The following WDR90 variants were observed in gnomAD, a reference collection of about 807,000 sequenced individuals.
WDR90 encodes the protein WD repeat-containing protein 90.
WDR90 carries 238 observed loss-of-function variants against 195.2 expected under a neutral mutation model. That is an observed-to-expected ratio of 1.22 (90% CI 1.10 to 1.36). WDR90 has a LOEUF of 1.36. Among genes scored for constraint, WDR90 ranks in the 40% most tolerant of loss-of-function variants. The probability of loss-of-function intolerance (pLI) is 0.00; values close to 1 mark genes in which losing one functional copy is unlikely to be tolerated. For missense variants in WDR90, 2,734 were observed against 2,439.5 expected, an observed-to-expected ratio of 1.12 and a Z score of -2.54; for synonymous variants, 1,265 against 1,052.4, an observed-to-expected ratio of 1.20 and a Z score of -3.91.
In WDR90 at chr16:651,760, T is replaced by C. The variant is rs2037650918; in HGVS notation, c.840+13T>C. The C allele has an allele frequency of 6.2e-7, 1 of 1,612,838 alleles. No homozygotes were observed. Among genetic ancestry groups the C allele is most frequent in the Admixed American group, 1.7e-5 (1 of 59,996 alleles). On this transcript the variant is annotated intron_variant, in intron 8 of 40. Transcript: ENST00000293879. The stretch of plus-strand genomic sequence containing the variant: ...CAGCCCCACAGCCGTGAGTACCCCC[T>C]TCGCCCTATGAGATGGGGTTGGGGT...
rs2037728401 is a variant in WDR90 at position 655,334 on chromosome 16, G to A, written c.1584G>A (p.Val528=). ...TRMASCGQGS[V]RLWRLRGGVL... ...TGGCGTCGTGCGGGCAGGGCAGTGT[G>A]CGGCTCTGGCGGCTGCGTGGCGGGG... is the stretch of plus-strand genomic sequence containing the variant. The change falls in exon 15 of 41, where the codon GTG becomes GTA. Residue 528 remains valine, a synonymous_variant. Coordinates refer to ENST00000293879, the MANE Select transcript of WDR90 (RefSeq NM_145294.5). 6.2e-7 allele frequency: 1 copy of A among 1,603,608 alleles called. No homozygotes were observed. The highest frequency in any genetic ancestry group is 2.2e-5 in the East Asian group (1 of 44,836).
At position 661,992 on chromosome 16, in the gene WDR90, G is replaced by C. The variant is rs1407677252; in HGVS notation, c.3966G>C (p.Gln1322His). 3 of 1,605,252 alleles carry C rather than the reference G, an allele frequency of 1.9e-6. No homozygotes were observed. The highest frequency in any genetic ancestry group is 2.5e-6 in the Non-Finnish European group (3 of 1,179,920). Reference sequence around the variant, plus strand: ...TCTATTGTGGCACCAGCTCTGGCCAGGTCTGTGTCTGGGACACGCGTGCCG... The same window carrying C: ...TCTATTGTGGCACCAGCTCTGGCCACGTCTGTGTCTGGGACACGCGTGCCG... ...PLLYCGTSSG[Q>H]VCVWDTRAGR... Residue 1322 changes from glutamine to histidine, a missense_variant, in exon 32 of 41, where the codon CAG (glutamine) becomes CAC (histidine). By Grantham distance (24) the Gln-to-His change is conservative. Coordinates refer to ENST00000293879, the MANE Select transcript of WDR90 (RefSeq NM_145294.5).
intron 34 of WDR90, 191 bp from the exon 35 acceptor site, chr16:665,488 T>C: frequency 1.2e-6 from 1 of 847,340 alleles, no homozygotes. Flanking sequence ...TGGTTTGGAC[T>C]CACCCAGATC....
Position 651,197 on chromosome 16 carries a change from A to G in WDR90, c.669-2A>G, listed in dbSNP as rs752086776. ...ACACTGACTCTCCCTCTGCCTGCCAAGGTTTCCAAGTGAGAGCTTGAAAGT... is the reference window on the plus strand; with the variant it reads ...ACACTGACTCTCCCTCTGCCTGCCAGGGTTTCCAAGTGAGAGCTTGAAAGT... On this transcript the variant is annotated splice_acceptor_variant, in intron 6 of 40. Coordinates refer to ENST00000293879, the MANE Select transcript of WDR90 (RefSeq NM_145294.5). LOFTEE classifies it high-confidence loss of function. 9 of 1,613,042 alleles carry G rather than the reference A, an allele frequency of 5.6e-6. No individual in the cohort carries two copies. In the East Asian group the frequency reaches 1.8e-4, roughly 32 times the overall value.
Position 651,960 on chromosome 16 carries a change from T to C in WDR90, c.974T>C (p.Ile325Thr). The change falls in exon 9 of 41, where the codon ATC (isoleucine) becomes ACC (threonine). Residue 325 changes from isoleucine (I) to threonine (T), a missense_variant. Physicochemically the swap from Ile to Thr is moderately conservative, Grantham distance 89. Transcript: ENST00000293879. ...EPWAQLEASD[I>T]HTAAAGTHVL... is the part of the protein sequence containing the mutation. ...TGGGCCCAGCTGGAGGCCTCTGACATCCACACGGCTGCTGCCGGCACCCAC... is the reference window on the plus strand; with the variant it reads ...TGGGCCCAGCTGGAGGCCTCTGACACCCACACGGCTGCTGCCGGCACCCAC... 1 of 1,608,170 alleles carries C rather than the reference T, an allele frequency of 6.2e-7. No individual in the cohort carries two copies. Among genetic ancestry groups the C allele is most frequent in the Non-Finnish European group, 8.5e-7 (1 of 1,178,306 alleles).
In WDR90 at chr16:655,381, A is replaced by G. The variant is rs1018661883; in HGVS notation, c.1631A>G (p.Asp544Gly). The change falls in exon 15 of 41, where the codon GAC (aspartate) becomes GGC (glycine). Residue 544 changes from aspartate to glycine, a missense_variant. Transcript: ENST00000293879. The part of the protein sequence containing the change: ...RGGVLRSCPV[D>G]LGEHHALQFT... ...GGGGTGCTGCGTTCCTGCCCCGTGGACTTAGGGGAGCACCACGCGCTGCAG... is the reference window on the plus strand; with the variant it reads ...GGGGTGCTGCGTTCCTGCCCCGTGGGCTTAGGGGAGCACCACGCGCTGCAG... 1 of 1,599,746 alleles carries G rather than the reference A, an allele frequency of 6.3e-7. No individual in the cohort carries two copies. The highest frequency in any genetic ancestry group is 1.7e-4 in the Middle Eastern group (1 of 6,048).
At position 660,089 on chromosome 16, in the gene WDR90, A is replaced by C; in HGVS notation, c.3216A>C (p.Pro1072=). The C allele has an allele frequency of 6.5e-7, 1 of 1,547,976 alleles. No homozygotes were observed. The highest frequency in any genetic ancestry group is 8.7e-7 in the Non-Finnish European group (1 of 1,147,194). Residue 1072 remains proline (P), a synonymous_variant, in exon 27 of 41, where the codon CCA becomes CCC. Coordinates refer to ENST00000293879, the MANE Select transcript of WDR90 (RefSeq NM_145294.5). The stretch of plus-strand genomic sequence containing the variant: ...GGGACACCAGGAATTCGGGGGCCCC[A>C]CGCACCACCTACCTGGCTTCCTGCA... ...GARDTRNSGA[P]RTTYLASCKA... is the part of the protein sequence containing the mutation.
In WDR90 at chr16:661,150, T is replaced by A; in HGVS notation, c.3491T>A (p.Leu1164Gln). 6.4e-7 allele frequency: 1 copy of A among 1,555,860 alleles called. No individual in the cohort carries two copies. Among genetic ancestry groups the A allele is most frequent in the African/African-American group, 1.4e-5 (1 of 73,484 alleles). The change falls in exon 29 of 41, where the codon CTG becomes CAG. Residue 1164 changes from leucine (L) to glutamine (Q), a missense_variant. Transcript: ENST00000293879. ...GGCCACTCTGCGGAGATCTCCACGC[T>A]GGCCCTCAGCCACAGTGCCCAGGTG... ...WSGHSAEISTLALSHSAQVLA... is the reference protein window; with the variant it reads ...WSGHSAEISTQALSHSAQVLA...
chr16:657,106 T>C lies in WDR90; in HGVS notation c.2358T>C (p.Ala786=), dbSNP rs780311421. The change falls in exon 20 of 41, where the codon GCT becomes GCC. Residue 786 remains alanine (A), a synonymous_variant. Coordinates refer to ENST00000293879, the MANE Select transcript of WDR90 (RefSeq NM_145294.5). ...TGTGCTGCAGGTGCCACCGAGGAGC[T>C]GTCACCGGCCTGACCGCCACCCCTG... ...VLVEHTCHRG[A]VTGLTATPDG... 3 of 1,594,704 alleles carry C rather than the reference T, an allele frequency of 1.9e-6. No individual in the cohort carries two copies. In the South Asian group the frequency reaches 3.4e-5, roughly 18 times the overall value.
chr16:658,016 G>A, intron 21 of WDR90, 124 bp downstream of exon 21: 10 of 1,457,336 alleles, frequency 6.9e-6, no homozygotes, highest in Non-Finnish European at 9.1e-6. Context: ...CTGTCGCAGA[G>A]TACACATCAG....
rs774502955 is a variant in WDR90 at position 651,229 on chromosome 16, C to T, written c.699C>T (p.Ser233=). 1.2e-6 allele frequency: 2 copies of T among 1,613,030 alleles called. No homozygotes were observed. The highest frequency in any genetic ancestry group is 1.1e-5 in the South Asian group (1 of 91,074). Reference sequence around the variant, plus strand: ...CAAGTGAGAGCTTGAAAGTGCCTTCCAAGCCGATTGAGAAGAGCTGTTCCC... The same window carrying T: ...CAAGTGAGAGCTTGAAAGTGCCTTCTAAGCCGATTGAGAAGAGCTGTTCCC... ...RFPSESLKVP[S]KPIEKSCSPP... is the part of the protein sequence containing the mutation. Residue 233 remains serine, a synonymous_variant, in exon 7 of 41, where the codon TCC becomes TCT. Coordinates refer to ENST00000293879, the MANE Select transcript of WDR90 (RefSeq NM_145294.5).
chr16:661,203 C>T, intron 29 of WDR90, 31 bp downstream of exon 29: 4 of 1,522,976 alleles, frequency 2.6e-6, no homozygotes, highest in Non-Finnish European at 3.5e-6. Flanking sequence ...CCTCCTCTCC[C>T]AGGGCCACCG....
At chr16:662,884 A>G (rs775554903) in intron 34 of WDR90, 40 bp downstream of exon 34, 1 of 1,536,050 alleles carries the variant, frequency 6.5e-7, no homozygotes, top group Non-Finnish European at 8.7e-7. Context: ...GGGCAGCCGA[A>G]CCTGGTGCCC....
chr16:667,404 C>T (rs1188465158), intron 40 of WDR90, 28 bp from the exon 41 acceptor site: 6 of 1,574,382 alleles, frequency 3.8e-6, no homozygotes, highest in Non-Finnish European at 3.5e-6. Flanking sequence ...GGTCCTGGCC[C>T]TGGCCCACCT....
chr16:659,517 G>C, intron 26 of WDR90, 141 bp downstream of exon 26: 2 of 1,185,150 alleles, frequency 1.7e-6, no homozygotes, highest in Non-Finnish European at 2.4e-6. Context: ...CAGTGGGGTC[G>C]GGGTGGGGGC....
Position 652,409 on chromosome 16 carries a change from G to C in WDR90, c.1054-58G>C. The C allele has an allele frequency of 2.6e-6, 4 of 1,543,546 alleles. No individual in the cohort carries two copies. The South Asian group carries it at 3.7e-5, about 14-fold the overall frequency. On this transcript the variant is annotated intron_variant, in intron 9 of 40. Transcript: ENST00000293879. The stretch of plus-strand genomic sequence containing the variant: ...GGGTTGGCGGGGCTCGGAGTTGGTC[G>C]GGCATTCTGGGGACCTGGCTGAGCC...
chr16:661,953 G>A lies in WDR90; in HGVS notation c.3927G>A (p.Gly1309=). ...GAGAGCTGACCTCGCTCTGCTACGGGGCACCTCCCCTGCTCTATTGTGGCA... is the reference window on the plus strand; with the variant it reads ...GAGAGCTGACCTCGCTCTGCTACGGAGCACCTCCCCTGCTCTATTGTGGCA... ...GAGELTSLCY[G]APPLLYCGTS... is the part of the protein sequence containing the mutation. Residue 1309 remains glycine, a synonymous_variant, in exon 32 of 41, where the codon GGG becomes GGA. Transcript: ENST00000293879. 6.2e-7 allele frequency: 1 copy of A among 1,607,896 alleles called. No homozygotes were observed. Among genetic ancestry groups the A allele is most frequent in the African/African-American group, 1.3e-5 (1 of 75,022 alleles).
chr16:654,674 T>C, intron 13 of WDR90: 1 of 291,922 alleles, frequency 3.4e-6, no homozygotes. Flanking sequence ...GGTCTCAAAC[T>C]CCAGGGCTCA....
At chr16:652,361 C>T in intron 9 of WDR90, 106 bp from the exon 10 acceptor site, 4 of 1,352,086 alleles carry the variant, frequency 3.0e-6, no homozygotes, top group Non-Finnish European at 4.0e-6. Flanking sequence ...GGGCAGTCTT[C>T]TTGAGAGGCA....
Sources: gnomAD v4.1 joint callset for allele counts on GRCh38, gnomAD v4.1.1 for gene constraint, MANE v1.5 for transcripts, NCBI Gene and HGNC (gene_info 2026-07-23, HGNC 2026-07-21) for gene names.